Variants in ALG5 observed in about 807,000 individuals in gnomAD.
ALG5 encodes the protein dolichyl-phosphate beta-glucosyltransferase.
In ALG5, 26 loss-of-function variants were observed where a neutral mutation model predicts 51.8. That is an observed-to-expected ratio of 0.50 (90% confidence interval 0.37 to 0.70). The LOEUF is 0.70. ALG5 is among the 30% of genes least tolerant of loss of function. ALG5 has a pLI of 0.00. For synonymous variants in ALG5, 141 were observed against 136.1 expected (o/e 1.04, Z -0.25); for missense variants, 311 against 399.3 (o/e 0.78, Z 1.88).
Position 36,985,624 on chromosome 13 carries a change from C to T in ALG5, c.561+3G>A. On this transcript the variant is annotated splice_donor_region_variant and intron_variant, in intron 6 of 9. Coordinates refer to ENST00000239891, the MANE Select transcript of ALG5 (RefSeq NM_013338.5). ...GTTATTTAAACTACATTCTTATACT[C>T]ACAGGCCAAGGCTGTAGATCATTTA... 2 of 1,606,960 alleles carry T rather than the reference C, an allele frequency of 1.2e-6. No homozygotes were observed. The highest frequency in any genetic ancestry group is 1.7e-6 in the Non-Finnish European group (2 of 1,175,828).
intron 6 of ALG5, among the ~76,000 whole-genome samples, chr13:36,980,362 G>A (rs1593676814): frequency 2.0e-5 from 3 of 152,142 alleles, no homozygotes; most frequent in South Asian, 2.1e-4. Context: ...AGCTTCCCGA[G>A]TAGCTGGGCT....
intron 8 of ALG5, among the ~76,000 whole-genome samples, chr13:36,960,940 T>C (rs988993071): frequency 2.6e-5 from 4 of 151,994 alleles, no homozygotes; most frequent in Non-Finnish European, 5.9e-5. Flanking sequence ...CCACTACACC[T>C]GGCCCAAGTA....
At chr13:36,961,143 C>T (rs749245063) in intron 8 of ALG5, among the ~76,000 whole-genome samples, 6 of 151,900 alleles carry the variant, frequency 3.9e-5, no homozygotes, top group East Asian at 1.9e-4. Flanking sequence ...AAGCAGAGTG[C>T]GGTGGCTCAT....
rs1157328884 is a variant in ALG5 at position 36,959,131 on chromosome 13, C to T, written c.773+6444G>A. 3.3e-5 allele frequency among the ~76,000 whole-genome samples: 5 copies of T among 152,220 alleles called. No individual in the cohort carries two copies. The East Asian group carries it at 7.7e-4, about 23-fold the overall frequency. On this transcript the variant is annotated intron_variant, in intron 8 of 9. Coordinates refer to ENST00000239891, the MANE Select transcript of ALG5 (RefSeq NM_013338.5). Reference sequence around the variant, plus strand: ...TCCAGAAAGACAAATGTTGCATATCCTCTCACTTTTATGTGGAATCTAAAA... The same window carrying T: ...TCCAGAAAGACAAATGTTGCATATCTTCTCACTTTTATGTGGAATCTAAAA...
chr13:36,966,630 C>T (rs1264458179), intron 7 of ALG5, among the ~76,000 whole-genome samples: 1 of 152,172 alleles, frequency 6.6e-6, no homozygotes, highest in Non-Finnish European at 1.5e-5. Flanking sequence ...CTGCCTCAAC[C>T]TACAGAGCAG....
At chr13:36,983,042 TAC>T (rs1250122754) in intron 6 of ALG5, among the ~76,000 whole-genome samples, 1 of 152,218 alleles carries the variant, frequency 6.6e-6, no homozygotes, top group Non-Finnish European at 1.5e-5. Flanking sequence ...TCCTTTTCTT[TAC>T]AGAGTAGTAT....
At chr13:36,995,680 ACTTTT>A (rs1486057122) in intron 1 of ALG5, 84 bp from the exon 2 acceptor site, 11 of 1,314,450 alleles carry the variant, frequency 8.4e-6, no homozygotes, top group Non-Finnish European at 1.2e-5. Flanking sequence ...TACATCATCT[ACTTTT>A]CTTTTAGTTG....
At chr13:36,989,621 A>T in intron 4 of ALG5, 45 bp from the exon 5 acceptor site, 1 of 1,440,768 alleles carries the variant, frequency 6.9e-7, no homozygotes, top group South Asian at 1.2e-5. Flanking sequence ...TTTGGATTAA[A>T]GAGAATTATA....
intron 4 of ALG5, among the ~76,000 whole-genome samples, chr13:36,991,912 C>A (rs934847837): frequency 5.9e-5 from 9 of 152,152 alleles, no homozygotes. Context: ...GGATTACGGG[C>A]ATGAACCACC....
At chr13:36,986,522 T>C (rs899209099) in intron 5 of ALG5, among the ~76,000 whole-genome samples, 23 of 152,332 alleles carry the variant, frequency 1.5e-4, no homozygotes, top group East Asian at 1.9e-4. Flanking sequence ...AGTGTGACTA[T>C]AGGTAAGACA....
intron 8 of ALG5, among the ~76,000 whole-genome samples, chr13:36,958,685 G>A (rs2058851848): frequency 6.6e-6 from 1 of 152,130 alleles, no homozygotes; most frequent in African/African-American, 2.4e-5. Context: ...TTCCTAGGCC[G>A]ACTAAGAATT....
chr13:36,960,408 T>C (rs887108170), intron 8 of ALG5, among the ~76,000 whole-genome samples: 6 of 152,128 alleles, frequency 3.9e-5, no homozygotes, highest in Non-Finnish European at 7.3e-5. Context: ...GGGCAAGGAA[T>C]TACTATTCTA....
At chr13:36,972,947 A>G (rs899490427) in intron 6 of ALG5, among the ~76,000 whole-genome samples, 15 of 148,916 alleles carry the variant, frequency 1.0e-4, no homozygotes, top group Non-Finnish European at 1.5e-4. Context: ...AGCCGAGATC[A>G]CACCACTGTG....
intron 6 of ALG5, among the ~76,000 whole-genome samples, chr13:36,981,151 A>C (rs2058977587): frequency 6.6e-6 from 1 of 152,182 alleles, no homozygotes; most frequent in Non-Finnish European, 1.5e-5. Context: ...TTTGTATAAG[A>C]ATCATCAGAA....
intron 8 of ALG5, among the ~76,000 whole-genome samples, chr13:36,956,998 C>A (rs944403051): frequency 1.3e-5 from 2 of 151,824 alleles, no homozygotes; most frequent in East Asian, 3.9e-4. Context: ...ATAGTTTCCT[C>A]CCCTCAGGAT....
rs1593688391 is a variant in ALG5, at chr13:36,995,285, G to T, written c.238+140C>A. ...GCAAATATTCACTTCCCTCTCTGCCGAACTACAACAATTATCAACTGTGTG... is the reference window on the plus strand; with the variant it reads ...GCAAATATTCACTTCCCTCTCTGCCTAACTACAACAATTATCAACTGTGTG... On this transcript the variant is annotated intron_variant, in intron 2 of 9. Coordinates refer to ENST00000239891, the MANE Select transcript of ALG5 (RefSeq NM_013338.5). 9.4e-6 allele frequency: 9 copies of T among 953,390 alleles called. No individual in the cohort carries two copies. The East Asian group carries it at 2.1e-4, about 22-fold the overall frequency. 59.1% of individuals were successfully genotyped at this position (953,390 alleles called of 1,614,324 possible). A position where few individuals can be genotyped will look rare whatever the true frequency, so the allele number is the denominator to read the frequency against.
At chr13:36,955,596 TAGAAA>T (rs1303123410) in intron 8 of ALG5, among the ~76,000 whole-genome samples, 9 of 131,302 alleles carry the variant, frequency 6.9e-5, no homozygotes, top group African/African-American at 2.6e-4. Context: ...AGATCAAAAC[TAGAAA>T]AGAAGAGAGA....
chr13:36,991,126 C>T (rs1200719412), intron 4 of ALG5, among the ~76,000 whole-genome samples: 2 of 152,106 alleles, frequency 1.3e-5, no homozygotes, highest in African/African-American at 4.8e-5. Context: ...CCATTAGTAC[C>T]GTGAACATTA....
chr13:36,950,044 AACTAATTT>A lies in ALG5; in HGVS notation c.865_872del (p.Lys289SerfsTer10). ...CCATTTGTAGCCAGCTCCAGAATGGAACTAATTTAGAACCTGTGATTTAAAAATAATTA... is the reference window on the plus strand; with the variant it reads ...CCATTTGTAGCCAGCTCCAGAATGGAAGAACCTGTGATTTAAAAATAATTA... On this transcript the variant is annotated frameshift_variant, in exon 10 of 10. Coordinates refer to ENST00000239891, the MANE Select transcript of ALG5 (RefSeq NM_013338.5). LOFTEE classifies it high-confidence loss of function. 1 of 1,601,210 alleles carries A rather than the reference AACTAATTT, an allele frequency of 6.2e-7. No individual in the cohort carries two copies. The highest frequency in any genetic ancestry group is 1.1e-5 in the South Asian group (1 of 89,132).
Sources: allele counts gnomAD v4.1 joint callset (sites outside exome capture counted in the v4.1 genomes callset), GRCh38; gene constraint gnomAD v4.1.1; transcripts MANE v1.5; gene names NCBI Gene and HGNC (gene_info 2026-07-23, HGNC 2026-07-21).